Variants in PIEZO2 observed in about 807,000 individuals in gnomAD.
The protein encoded by PIEZO2 is piezo-type mechanosensitive ion channel component 2.
Under a neutral mutation model 337.3 loss-of-function variants are expected in PIEZO2, and 172 were observed. The ratio of observed to expected loss-of-function variants is 0.51; its 90% CI spans 0.45 to 0.58. The LOEUF (loss-of-function observed/expected upper bound fraction) is 0.58. Ranked by LOEUF, PIEZO2 falls within the 20% of genes least tolerant of loss-of-function variation. The probability of loss-of-function intolerance (pLI) is 0.00; values close to 1 mark genes in which losing one functional copy is unlikely to be tolerated. For missense variants in PIEZO2, 3,028 were observed against 3,391.3 expected, an observed-to-expected ratio of 0.89 and a Z score of 2.66; for synonymous variants, 1,251 against 1,228.5, an observed-to-expected ratio of 1.02 and a Z score of -0.38.
At chr18:10,814,093 A>G (rs916931445) in intron 7 of PIEZO2, among the ~76,000 whole-genome samples, 5 of 151,168 alleles carry the variant, frequency 3.3e-5, no homozygotes, top group Non-Finnish European at 5.9e-5. Flanking sequence ...TCAGCCTCCC[A>G]AGTAGCTGGG....
chr18:11,012,800 T>C (rs1345722251), intron 2 of PIEZO2, among the ~76,000 whole-genome samples: 2 of 152,212 alleles, frequency 1.3e-5, no homozygotes, highest in African/African-American at 4.8e-5. Flanking sequence ...TTCCAATACT[T>C]TGGGAGAGCC....
chr18:10,860,978 G>C (rs574601540), intron 5 of PIEZO2, among the ~76,000 whole-genome samples: 13 of 152,352 alleles, frequency 8.5e-5, no homozygotes, highest in African/African-American at 2.9e-4. Context: ...AGAGCCAAGA[G>C]CGAGACGGGT....
At chr18:10,902,140 C>T (rs1361116130) in intron 4 of PIEZO2, among the ~76,000 whole-genome samples, 1 of 152,218 alleles carries the variant, frequency 6.6e-6, no homozygotes, top group East Asian at 1.9e-4. Context: ...TTGCATGCTC[C>T]TTATGAGAAG....
chr18:11,014,281 CCT>C (rs2145674116), intron 2 of PIEZO2, among the ~76,000 whole-genome samples: 1 of 71,466 alleles, frequency 1.4e-5, no homozygotes, highest in East Asian at 2.4e-4. Flanking sequence ...CCCTCTCATT[CCT>C]CAGTGGTAGG....
At chr18:10,934,761 T>C (rs2032290671) in intron 3 of PIEZO2, among the ~76,000 whole-genome samples, 1 of 151,988 alleles carries the variant, frequency 6.6e-6, no homozygotes, top group African/African-American at 2.4e-5. Context: ...AATGCCTTGT[T>C]CTTCACTCCT....
intron 18 of PIEZO2, among the ~76,000 whole-genome samples, chr18:10,778,998 T>C (rs2038888755): frequency 6.6e-6 from 1 of 152,214 alleles, no homozygotes; most frequent in Non-Finnish European, 1.5e-5. Context: ...GGGATGGGAT[T>C]TAGATTATTG....
chr18:10,807,312 T>TAA, intron 7 of PIEZO2, 38 bp from the exon 8 acceptor site: 1 of 1,513,962 alleles, frequency 6.6e-7, no homozygotes, highest in Non-Finnish European at 8.9e-7. Flanking sequence ...AAAGATGCAA[T>TAA]AAGCTATATG....
chr18:10,776,342 T>C (rs560702509), intron 18 of PIEZO2, among the ~76,000 whole-genome samples: 1 of 152,354 alleles, frequency 6.6e-6, no homozygotes, highest in South Asian at 2.1e-4. Flanking sequence ...AGTGGTTAAT[T>C]ACACAGGAAA....
Position 11,038,658 on chromosome 18 carries a change from C to A in PIEZO2, c.160+27469G>T, listed in dbSNP as rs556473170. ...CCATCAGAGCCCAGAAACGTGGCTT[C>A]CTCTACTGGCCCTACCACTTGCTTA... On this transcript the variant is annotated intron_variant, in intron 2 of 55. Coordinates refer to ENST00000674853, the MANE Select transcript of PIEZO2 (RefSeq NM_001378183.1). This position sits in a 1 kb window ranked among gnomAD's most constrained non-coding sequence, Gnocchi z 4.1. Among the ~76,000 whole-genome samples the A allele has an allele frequency of 1.1e-4, 16 of 152,270 alleles. No homozygotes were observed. Among genetic ancestry groups the A allele is most frequent in the Non-Finnish European group, 1.5e-5 (1 of 68,026 alleles).
At chr18:10,683,339 G>A (rs76200185) in intron 49 of PIEZO2, among the ~76,000 whole-genome samples, 16 of 152,178 alleles carry the variant, frequency 1.1e-4, no homozygotes, top group South Asian at 4.1e-4. Context: ...AGATGGTGCC[G>A]GAAATATGAG....
chr18:10,726,420 G>A lies in PIEZO2; in HGVS notation c.5029+4987C>T. 2 of 1,529,850 alleles carry A rather than the reference G, an allele frequency of 1.3e-6. No homozygotes were observed. Among genetic ancestry groups the A allele is most frequent in the Admixed American group, 2.0e-5 (1 of 50,494 alleles). 94.8% of individuals were successfully genotyped at this position (1,529,850 alleles called of 1,614,324 possible). ...CGCGCGCCAGCCGTGGCACAACGCG[G>A]AGGGCCGGCTGCGGTACGGGCTACG... On this transcript the variant is annotated intron_variant, in intron 36 of 55. Coordinates refer to ENST00000674853, the MANE Select transcript of PIEZO2 (RefSeq NM_001378183.1). The surrounding 1 kb of genome is among the most constrained non-coding windows in gnomAD (Gnocchi z 5.9).
rs1211991076 is a variant in PIEZO2 at position 11,146,119 on chromosome 18, T to C, written c.64+2406A>G. Among the ~76,000 whole-genome samples, 1 of 152,076 alleles carries C rather than the reference T, an allele frequency of 6.6e-6. No homozygotes were observed. Among genetic ancestry groups the C allele is most frequent in the African/African-American group, 2.4e-5 (1 of 41,426 alleles). ...GCACACACTCGCACACCCAGGTTAG[T>C]CTCCCTGAACCCAGAGAGGTGTGGG... On this transcript the variant is annotated intron_variant, in intron 1 of 55. Coordinates refer to ENST00000674853, the MANE Select transcript of PIEZO2 (RefSeq NM_001378183.1). This position sits in a 1 kb window ranked among gnomAD's most constrained non-coding sequence, Gnocchi z 6.1.
At chr18:11,122,985 A>G (rs941077569) in intron 1 of PIEZO2, among the ~76,000 whole-genome samples, 15 of 117,898 alleles carry the variant, frequency 1.3e-4, no homozygotes, top group African/African-American at 3.8e-4. Context: ...CAATGCATAC[A>G]TATAATGTGC....
Position 10,871,272 on chromosome 18 carries a change from T to A in PIEZO2, c.473A>T (p.Glu158Val). The change falls in exon 5 of 56, where the codon GAG (glutamate) becomes GTG (valine). Residue 158 changes from glutamate to valine, a missense_variant. This residue lies in a region of PIEZO2 where 542 missense variants were observed against 605.6 expected (regional missense o/e 0.89). Transcript: ENST00000674853. ...VTDEAAQSNP[E>V]FENEELAEGE... ...ATTTACCAATTCTTCATTTTCAAACTCCGGGTTACTCTGTGCTGCTTCGTC... is the reference window on the plus strand; with the variant it reads ...ATTTACCAATTCTTCATTTTCAAACACCGGGTTACTCTGTGCTGCTTCGTC... 6.5e-7 allele frequency: 1 copy of A among 1,536,168 alleles called. No homozygotes were observed. The highest frequency in any genetic ancestry group is 1.2e-5 in the South Asian group (1 of 83,710).
chr18:10,681,408 A>C lies in PIEZO2; in HGVS notation c.7779+253T>G, dbSNP rs536712373. 4.6e-5 allele frequency among the ~76,000 whole-genome samples: 7 copies of C among 152,340 alleles called. No homozygotes were observed. In the East Asian group the frequency reaches 1.3e-3, roughly 29 times the overall value. On this transcript the variant is annotated intron_variant, in intron 51 of 55. Transcript: ENST00000674853. ...TAGTCAAGAGATGAATATATACCAC[A>C]ATTTAAAAAGTTAAACAATTTTTAA...
chr18:10,685,004 C>T (rs2034487317), intron 49 of PIEZO2, among the ~76,000 whole-genome samples: 1 of 152,126 alleles, frequency 6.6e-6, no homozygotes, highest in South Asian at 2.1e-4. Context: ...TGTTGCACTG[C>T]ATTTCCAATC....
intron 7 of PIEZO2, among the ~76,000 whole-genome samples, chr18:10,810,263 T>C (rs1265020003): frequency 1.3e-5 from 2 of 152,162 alleles, no homozygotes; most frequent in African/African-American, 2.4e-5. Context: ...TAGCTGAAGA[T>C]AGGTCCCCAA....
intron 3 of PIEZO2, among the ~76,000 whole-genome samples, chr18:10,972,923 A>AC (rs1209958177): frequency 6.6e-6 from 1 of 152,064 alleles, no homozygotes; most frequent in African/African-American, 2.4e-5. Context: ...CCTCACAAAA[A>AC]CCTATGAGAT....
intron 2 of PIEZO2, among the ~76,000 whole-genome samples, chr18:11,018,788 G>A (rs1188555378): frequency 2.0e-5 from 3 of 151,990 alleles, no homozygotes; most frequent in African/African-American, 4.8e-5. Flanking sequence ...AAGGATGAGT[G>A]GATATGTGAG....
Sources: gnomAD v4.1 joint callset for allele counts (sites outside exome capture counted in the v4.1 genomes callset) on GRCh38, gnomAD v4.1.1 for gene constraint, gnomAD v4.1.1 regional missense constraint, Gnocchi (gnomAD v3.1) non-coding constraint, MANE v1.5 for transcripts, NCBI Gene and HGNC (gene_info 2026-07-23, HGNC 2026-07-21) for gene names.